The following PDE1C variants were observed in gnomAD, a reference collection of about 807,000 sequenced individuals.
PDE1C encodes the protein dual specificity calcium/calmodulin-dependent 3',5'-cyclic nucleotide phosphodiesterase 1C.
PDE1C carries 62 observed loss-of-function variants against 93.1 expected under a neutral mutation model. The observed-to-expected ratio is 0.67, with a 90% CI of 0.54 to 0.82. PDE1C has a LOEUF of 0.82. Among genes scored for constraint, PDE1C ranks in the 40% least tolerant of loss-of-function variants. The pLI, the probability that PDE1C is intolerant of heterozygous loss-of-function variation, is 0.00. For missense variants in PDE1C, 742 were observed against 884.6 expected (o/e 0.84, Z 2.04); for synonymous variants, 325 against 310.1 (o/e 1.05, Z -0.50).
At chr7:31,857,622 T>C (rs1794184834) in intron 7 of PDE1C, among the ~76,000 whole-genome samples, 1 of 151,974 alleles carries the variant, frequency 6.6e-6, no homozygotes, top group Middle Eastern at 3.4e-3. Flanking sequence ...TCCCTAGAAG[T>C]CTCTCTGGAC....
intron 1 of PDE1C, among the ~76,000 whole-genome samples, chr7:32,397,066 A>G (rs1295651162): frequency 6.6e-6 from 1 of 152,224 alleles, no homozygotes; most frequent in Non-Finnish European, 1.5e-5. Flanking sequence ...AACTCCAGGT[A>G]GGGAAAAGCT....
chr7:32,353,935 G>A (rs1347670572), intron 1 of PDE1C, among the ~76,000 whole-genome samples: 1 of 152,092 alleles, frequency 6.6e-6, no homozygotes, highest in African/African-American at 2.4e-5. Context: ...TTGTCTTCTT[G>A]AAAATCAACC....
At chr7:32,403,753 T>C (rs1784997888) in intron 1 of PDE1C, among the ~76,000 whole-genome samples, 2 of 152,346 alleles carry the variant, frequency 1.3e-5, no homozygotes, top group Middle Eastern at 3.4e-3. Flanking sequence ...TCGTCCTAAA[T>C]TGAATTGGCT....
At chr7:31,740,124 G>A in the PDE1C span, among the ~76,000 whole-genome samples, 2 of 152,114 alleles carry the variant, frequency 1.3e-5, no homozygotes, top group Admixed American at 1.3e-4. Context: ...TGCACCTTTT[G>A]CTCTGAAGGG....
At chr7:32,007,870 T>C (rs1022693376) in intron 2 of PDE1C, among the ~76,000 whole-genome samples, 2 of 152,234 alleles carry the variant, frequency 1.3e-5, no homozygotes, top group South Asian at 4.1e-4. Context: ...GTTGACTGAA[T>C]GGTCAGATCT....
chr7:32,231,956 T>TACACACACACAC (rs1491530109), intron 1 of PDE1C, among the ~76,000 whole-genome samples: 1 of 126,744 alleles, frequency 7.9e-6, no homozygotes, highest in Non-Finnish European at 1.8e-5. Context: ...TAAATATGTG[T>TACACACACACAC]ATACACACAC....
intron 3 of PDE1C, among the ~76,000 whole-genome samples, chr7:32,153,812 G>A (rs774643666): frequency 1.3e-5 from 2 of 152,134 alleles, no homozygotes; most frequent in Non-Finnish European, 2.9e-5. Context: ...GTTAGAATAG[G>A]GAAATGATTT....
chr7:32,236,599 G>C (rs1409641140), intron 1 of PDE1C, among the ~76,000 whole-genome samples: 1 of 152,096 alleles, frequency 6.6e-6, no homozygotes, highest in African/African-American at 2.4e-5. Flanking sequence ...AAACCACCGT[G>C]CGATACTACT....
At chr7:31,725,559 TG>T in the PDE1C span, among the ~76,000 whole-genome samples, 1 of 152,178 alleles carries the variant, frequency 6.6e-6, no homozygotes, top group African/African-American at 2.4e-5. Flanking sequence ...TTTGTCCATT[TG>T]GTTCTAAGGA....
At chr7:31,617,519 C>T in the PDE1C span, among the ~76,000 whole-genome samples, 3 of 152,036 alleles carry the variant, frequency 2.0e-5, no homozygotes, top group African/African-American at 7.2e-5. Context: ...AAAACAACTT[C>T]ATTGTGAGTG....
At chr7:32,254,300 C>T (rs1809623296) in intron 1 of PDE1C, among the ~76,000 whole-genome samples, 2 of 152,132 alleles carry the variant, frequency 1.3e-5, no homozygotes, top group Admixed American at 1.3e-4. Context: ...AGGACCAAGG[C>T]CAGTGACATT....
chr7:32,189,622 T>C (rs1024473970), intron 2 of PDE1C, among the ~76,000 whole-genome samples: 5 of 152,186 alleles, frequency 3.3e-5, no homozygotes, highest in African/African-American at 9.6e-5. Context: ...ATATAGTATA[T>C]ATGATGTGCT....
chr7:32,171,070 C>T (rs1398289134), intron 2 of PDE1C, among the ~76,000 whole-genome samples: 2 of 152,188 alleles, frequency 1.3e-5, no homozygotes, highest in Non-Finnish European at 2.9e-5. Context: ...ATGTCCCACC[C>T]CACCTCCTGA....
intron 1 of PDE1C, among the ~76,000 whole-genome samples, chr7:32,214,975 TTGATGA>T (rs143895270): frequency 6.6e-6 from 1 of 151,116 alleles, no homozygotes; most frequent in Non-Finnish European, 1.5e-5. Flanking sequence ...GGGAAGTGAC[TTGATGA>T]TGATGATGAT....
chr7:31,892,618 C>T (rs1221995808), intron 2 of PDE1C, among the ~76,000 whole-genome samples: 1 of 152,132 alleles, frequency 6.6e-6, no homozygotes, highest in Non-Finnish European at 1.5e-5. Context: ...AATTAATATA[C>T]ACACCCACAC....
intron 1 of PDE1C, among the ~76,000 whole-genome samples, chr7:32,218,745 A>C (rs187042221): frequency 1.3e-5 from 2 of 152,340 alleles, no homozygotes; most frequent in Admixed American, 1.3e-4. Flanking sequence ...TGAGATGTTA[A>C]TGAAAATTGA....
chr7:31,856,785 C>T (rs1251843698), intron 7 of PDE1C, among the ~76,000 whole-genome samples: 1 of 150,800 alleles, frequency 6.6e-6, no homozygotes, highest in Non-Finnish European at 1.5e-5. Context: ...GGCTCCCGTA[C>T]TGTACTCAGT....
the PDE1C span, chr7:31,651,017 T>C: frequency 2.0e-6 from 2 of 997,874 alleles, no homozygotes; most frequent in Non-Finnish European, 2.9e-6. Context: ...CCCTCCCCCT[T>C]ATATTAGCAG....
At chr7:31,961,831 G>A (rs1426155809) in intron 2 of PDE1C, among the ~76,000 whole-genome samples, 1 of 152,070 alleles carries the variant, frequency 6.6e-6, no homozygotes, top group Admixed American at 6.6e-5. Context: ...AATATCTCCA[G>A]AAACCATTTT....
Sources: gnomAD v4.1 joint callset for allele counts (sites outside exome capture counted in the v4.1 genomes callset) on GRCh38, gnomAD v4.1.1 for gene constraint, MANE v1.5 for transcripts, NCBI Gene and HGNC (gene_info 2026-07-23, HGNC 2026-07-21) for gene names.